RP1: variants seen among roughly 807,000 people sequenced by gnomAD.
The protein encoded by RP1 is RP1 axonemal microtubule associated, also known as oxygen-regulated protein 1.
Under a neutral mutation model 14.8 loss-of-function variants are expected in RP1, and 16 were observed. The ratio of observed to expected loss-of-function variants is 1.08; its 90% CI spans 0.73 to 1.65. RP1 has a LOEUF of 1.65. Among genes scored for constraint, RP1 ranks in the 40% most tolerant of loss-of-function variants. RP1 has a pLI of 0.00. For missense variants in RP1, 2,631 were observed against 2,535.0 expected (o/e 1.04, Z -0.81); for synonymous variants, 876 against 883.6 (o/e 0.99, Z 0.15).
At chr8:54,759,723 T>A (rs1463349092) in intron 22 of RP1, among the ~76,000 whole-genome samples, 2 of 152,216 alleles carry the variant, frequency 1.3e-5, no homozygotes, top group East Asian at 3.9e-4. Flanking sequence ...TGAGCCCTGC[T>A]GTTTCTCAAG....
chr8:54,813,839 C>T (rs1419881488), intron 24 of RP1, among the ~76,000 whole-genome samples: 1 of 152,182 alleles, frequency 6.6e-6, no homozygotes, highest in East Asian at 1.9e-4. Flanking sequence ...TCAGGTTTAT[C>T]TCTCAGAATA....
chr8:54,590,730 G>A (rs1805027869), intron 1 of RP1, among the ~76,000 whole-genome samples: 1 of 152,146 alleles, frequency 6.6e-6, no homozygotes, highest in African/African-American at 2.4e-5. Flanking sequence ...CCATCTGCAA[G>A]CGTATTACTC....
At chr8:54,851,282 C>T (rs1812056345) in intron 25 of RP1, among the ~76,000 whole-genome samples, 1 of 152,052 alleles carries the variant, frequency 6.6e-6, no homozygotes. Flanking sequence ...GTTCTAAATG[C>T]TTTTTTATGT....
intron 4 of RP1, among the ~76,000 whole-genome samples, chr8:54,650,130 A>C (rs1441732223): frequency 6.6e-6 from 1 of 152,188 alleles, no homozygotes; most frequent in Non-Finnish European, 1.5e-5. Context: ...TTCTGTAATA[A>C]GAAAGGAACA....
chr8:54,624,580 T>A (rs1341335970), intron 3 of RP1, 90 bp from the exon 4 acceptor site: 5 of 1,285,444 alleles, frequency 3.9e-6, no homozygotes, highest in Non-Finnish European at 4.5e-6. Context: ...CTTTCTTTTT[T>A]TGCTGCCTCT....
chr8:54,775,415 G>T (rs993959219), intron 23 of RP1, among the ~76,000 whole-genome samples: 2 of 152,136 alleles, frequency 1.3e-5, no homozygotes, highest in African/African-American at 4.8e-5. Flanking sequence ...TGCCTGGCTC[G>T]CTTTCTGGGA....
chr8:54,723,881 G>T (rs1808591015), intron 16 of RP1, among the ~76,000 whole-genome samples: 1 of 152,078 alleles, frequency 6.6e-6, no homozygotes, highest in African/African-American at 2.4e-5. Context: ...CTTGACTTTT[G>T]CACAGAAATT....
chr8:54,599,457 A>G (rs907787645), intron 1 of RP1, among the ~76,000 whole-genome samples: 4 of 109,816 alleles, frequency 3.6e-5, no homozygotes, highest in African/African-American at 6.2e-5. Context: ...TTGTTGACTG[A>G]AAGTCTTTTT....
At chr8:54,614,712 A>G (rs1162543960), upstream of RP1, among the ~76,000 whole-genome samples, 54 of 152,194 alleles carry the variant, frequency 3.5e-4, 1 homozygote, top group Non-Finnish European at 5.9e-5. Flanking sequence ...TCTTATATGT[A>G]AGAAATGTTA....
intron 15 of RP1, among the ~76,000 whole-genome samples, chr8:54,711,847 G>T (rs1422836148): frequency 1.3e-5 from 2 of 151,964 alleles, no homozygotes; most frequent in Non-Finnish European, 2.9e-5. Context: ...ATTAATAAGA[G>T]AAAAGCATAC....
chr8:54,812,806 T>TATCTATCTATCTATCTATCTATC (rs774921416), intron 24 of RP1, among the ~76,000 whole-genome samples: 5 of 134,568 alleles, frequency 3.7e-5, no homozygotes, highest in African/African-American at 1.1e-4. Flanking sequence ...TCTATCTATC[T>TATCTATCTATCTATCTATCTATC]ATCTCTCCGT....
At chr8:54,633,837 C>T (rs1212255100), downstream of RP1, among the ~76,000 whole-genome samples, 1 of 151,524 alleles carries the variant, frequency 6.6e-6, no homozygotes. Context: ...AGCCCCTGCT[C>T]TGTGCCAAAT....
At chr8:54,646,122 G>C (rs905546740) in intron 3 of RP1, among the ~76,000 whole-genome samples, 3 of 152,066 alleles carry the variant, frequency 2.0e-5, no homozygotes, top group African/African-American at 7.2e-5. Context: ...GCATTTCTGA[G>C]AAAACTGGGT....
chr8:54,706,483 G>A (rs774471932), exon 15 of RP1: 2 of 1,535,816 alleles, frequency 1.3e-6, no homozygotes, highest in Admixed American at 2.0e-5. Context: ...CTTGCTACAA[G>A]CCTGTGTCAG....
intron 19 of RP1, among the ~76,000 whole-genome samples, chr8:54,744,597 A>G (rs1809180945): frequency 6.6e-6 from 1 of 152,188 alleles, no homozygotes; most frequent in Admixed American, 6.5e-5. Flanking sequence ...CAAATATTTT[A>G]TTACCATCTC....
chr8:54,611,876 C>CCTCCCTCT (rs1231818872), upstream of RP1, among the ~76,000 whole-genome samples: 2 of 147,446 alleles, frequency 1.4e-5, no homozygotes, highest in Admixed American at 6.7e-5. Flanking sequence ...TCCCTCCCTC[C>CCTCCCTCT]CTCCCTCTCT....
chr8:54,771,342 G>T (rs79715283), downstream of RP1, among the ~76,000 whole-genome samples: 2 of 151,968 alleles, frequency 1.3e-5, no homozygotes, highest in Admixed American at 1.3e-4. Flanking sequence ...AGAACTTGGT[G>T]GGGCATATGT....
chr8:54,680,990 T>C (rs1807415147), intron 12 of RP1, among the ~76,000 whole-genome samples: 1 of 150,538 alleles, frequency 6.6e-6, no homozygotes, highest in Non-Finnish European at 1.5e-5. Flanking sequence ...AGAAAAGAAG[T>C]GTCTGTCTAA....
At chr8:54,789,177 G>C (rs560910593) in intron 24 of RP1, among the ~76,000 whole-genome samples, 1 of 152,314 alleles carries the variant, frequency 6.6e-6, no homozygotes, top group South Asian at 2.1e-4. Context: ...CTTGGCGATA[G>C]CACTGCATCC....
Sources: allele counts gnomAD v4.1 joint callset (sites outside exome capture counted in the v4.1 genomes callset), GRCh38; gene constraint gnomAD v4.1.1; transcripts MANE v1.5; gene names NCBI Gene and HGNC (gene_info 2026-07-23, HGNC 2026-07-21).